The following TNS3 variants were observed in gnomAD, a reference collection of about 807,000 sequenced individuals.
The protein encoded by TNS3 is tensin 3.
A neutral mutation model predicts 140.9 loss-of-function variants in TNS3; 45 were observed. That is an observed-to-expected ratio of 0.32 (90% CI 0.25 to 0.41). The LOEUF is 0.41. TNS3 is among the 10% of genes least tolerant of loss of function. The pLI, the probability that TNS3 is intolerant of heterozygous loss-of-function variation, is 1.00. For missense variants in TNS3, 1,716 were observed against 1,906.7 expected, an observed-to-expected ratio of 0.90 and a Z score of 1.86; for synonymous variants, 815 against 788.4, an observed-to-expected ratio of 1.03 and a Z score of -0.56.
chr7:47,359,095 T>C (rs1439064664), intron 17 of TNS3, among the ~76,000 whole-genome samples: 1 of 152,144 alleles, frequency 6.6e-6, no homozygotes, highest in Non-Finnish European at 1.5e-5. Flanking sequence ...GGCACACCCA[T>C]GATCACAGCA....
rs963281428 is a variant in TNS3 at position 47,277,956 on chromosome 7, C to T, written c.*120G>A. On this transcript the variant is annotated 3_prime_UTR_variant, in exon 31 of 31. Transcript: ENST00000311160. ...GCAGAGCTGGAAGATCCTCTTTCCC[C>T]TCATGGGCCTGGAATGTCAGGTTTA... The T allele has an allele frequency of 1.8e-6, 2 of 1,129,670 alleles. No individual in the cohort carries two copies. Among genetic ancestry groups the T allele is most frequent in the African/African-American group, 1.5e-5 (1 of 65,294 alleles). 70.0% of individuals were successfully genotyped at this position (1,129,670 alleles called of 1,614,324 possible). A position where few individuals can be genotyped will look rare whatever the true frequency, so the allele number is the denominator to read the frequency against.
At chr7:47,320,419 G>GT (rs1285468352) in intron 20 of TNS3, among the ~76,000 whole-genome samples, 6 of 152,260 alleles carry the variant, frequency 3.9e-5, no homozygotes, top group African/African-American at 1.4e-4. Context: ...CGAGTTGGGA[G>GT]TATTAGTCAG....
intron 2 of TNS3, among the ~76,000 whole-genome samples, chr7:47,519,948 C>T (rs1000203508): frequency 6.6e-6 from 1 of 151,340 alleles, no homozygotes; most frequent in African/African-American, 2.4e-5. Context: ...CTCAGTCTCC[C>T]GAGTAGCTGG....
At chr7:47,490,465 C>T (rs1797769415) in intron 3 of TNS3, among the ~76,000 whole-genome samples, 1 of 152,258 alleles carries the variant, frequency 6.6e-6, no homozygotes, top group Non-Finnish European at 1.5e-5. Context: ...ATTCCCCCAT[C>T]AAGAGGTAGA....
At position 47,368,476 on chromosome 7, in the gene TNS3, C is replaced by G; in HGVS notation, c.2170G>C (p.Gly724Arg). The G allele has an allele frequency of 6.3e-7, 1 of 1,592,032 alleles. No individual in the cohort carries two copies. The change falls in exon 17 of 31, where the codon GGT becomes CGT. Residue 724 changes from glycine to arginine, a missense_variant. Physicochemically the swap from Gly to Arg is moderately radical, Grantham distance 125. This residue lies in a region of TNS3 where 1,163 missense variants were observed against 1,182.1 expected (regional missense o/e 0.98). Coordinates refer to ENST00000311160, the MANE Select transcript of TNS3 (RefSeq NM_022748.12). ...EPIPTHMNAL[G>R]SQANGSVSPD... ...GACACAGAGCCATTGGCCTGGCTAC[C>G]GAGGGCGTTCATGTGGGTAGGGATG...
chr7:47,557,756 T>C (rs1397290198), intron 1 of TNS3, among the ~76,000 whole-genome samples: 1 of 152,196 alleles, frequency 6.6e-6, no homozygotes, highest in African/African-American at 2.4e-5. Flanking sequence ...CACTAGCATG[T>C]AGTGGGAGGA....
chr7:47,498,267 T>C (rs1798085948), intron 3 of TNS3, among the ~76,000 whole-genome samples: 1 of 152,224 alleles, frequency 6.6e-6, no homozygotes. Context: ...TACCCTCCCA[T>C]GTAACCACAG....
intron 8 of TNS3, among the ~76,000 whole-genome samples, chr7:47,434,886 C>A (rs1795100648): frequency 6.6e-6 from 1 of 152,220 alleles, no homozygotes; most frequent in East Asian, 1.9e-4. Context: ...CAACTGATTA[C>A]CATAACTCAA....
chr7:47,507,931 G>A (rs1314900716), intron 2 of TNS3, among the ~76,000 whole-genome samples: 1 of 152,180 alleles, frequency 6.6e-6, no homozygotes, highest in Non-Finnish European at 1.5e-5. Flanking sequence ...CCCTCAAGCT[G>A]GGTCTCTGCT....
intron 16 of TNS3, among the ~76,000 whole-genome samples, chr7:47,388,228 G>A (rs1792184133): frequency 1.3e-5 from 2 of 152,066 alleles, no homozygotes; most frequent in African/African-American, 4.8e-5. Context: ...CATTACACCA[G>A]GGTCTACACA....
At position 47,400,904 on chromosome 7, in the gene TNS3, T is replaced by G; in HGVS notation, c.734A>C (p.Tyr245Ser). 1 of 1,614,164 alleles carries G rather than the reference T, an allele frequency of 6.2e-7. No individual in the cohort carries two copies. The highest frequency in any genetic ancestry group is 8.5e-7 in the Non-Finnish European group (1 of 1,179,994). ...LLKGDVMVKC[Y>S]HKKYRSATRD... ...GGTGGCCGAGCGGTATTTCTTGTGGTAGCATTTCACCTGGGTTAGAGAGAC... is the reference window on the plus strand; with the variant it reads ...GGTGGCCGAGCGGTATTTCTTGTGGGAGCATTTCACCTGGGTTAGAGAGAC... Residue 245 changes from tyrosine (Y) to serine (S), a missense_variant, in exon 14 of 31, where the codon TAC becomes TCC. Tyr to Ser is a moderately radical substitution (Grantham distance 144). Around this residue, in one of 3 missense-constraint regions of TNS3, gnomAD observed 337 missense variants for 428.9 expected, o/e 0.79. Transcript: ENST00000311160.
chr7:47,483,385 A>G (rs2964956), intron 3 of TNS3, among the ~76,000 whole-genome samples: 115,783 of 151,992 alleles, frequency 0.76, 44,825 homozygotes, highest in East Asian at 0.92. Context: ...GAGCCAGGAT[A>G]GTCTCGATCT....
intron 1 of TNS3, among the ~76,000 whole-genome samples, chr7:47,566,820 A>G (rs1800437505): frequency 6.6e-6 from 1 of 152,032 alleles, no homozygotes; most frequent in African/African-American, 2.4e-5. Context: ...CAGGTGGATC[A>G]CCTGAGTGCA....
At chr7:47,475,407 G>A (rs978873051) in intron 4 of TNS3, among the ~76,000 whole-genome samples, 2 of 152,250 alleles carry the variant, frequency 1.3e-5, no homozygotes, top group Non-Finnish European at 2.9e-5. Flanking sequence ...GTGCGGGCTC[G>A]GGACCTGCCC....
intron 18 of TNS3, among the ~76,000 whole-genome samples, chr7:47,345,616 C>T (rs1789289898): frequency 6.6e-6 from 1 of 152,172 alleles, no homozygotes; most frequent in Non-Finnish European, 1.5e-5. Flanking sequence ...GATACACCGA[C>T]CTGCTTTACA....
rs115581735 is a variant in TNS3 at position 47,459,311 on chromosome 7, T to C, written c.-75-17256A>G. Among the ~76,000 whole-genome samples the C allele has an allele frequency of 4.3e-3, 651 of 152,314 alleles. 4 individuals carry two copies. The highest frequency in any genetic ancestry group is 0.015 in the African/African-American group (607 of 41,566). Reference sequence around the variant, plus strand: ...AAGTGCTGTGACTTCCAGGACCACATGCATCATCCCAGAGAAGAGGAAACA... The same window carrying C: ...AAGTGCTGTGACTTCCAGGACCACACGCATCATCCCAGAGAAGAGGAAACA... On this transcript the variant is annotated intron_variant, in intron 4 of 30. Coordinates refer to ENST00000311160, the MANE Select transcript of TNS3 (RefSeq NM_022748.12).
At chr7:47,553,875 G>A (rs921140964) in intron 1 of TNS3, among the ~76,000 whole-genome samples, 2 of 151,604 alleles carry the variant, frequency 1.3e-5, no homozygotes, top group African/African-American at 2.4e-5. Context: ...TGCAGCCTCC[G>A]GCTCACTGCA....
At chr7:47,323,353 G>A (rs1243248353) in intron 20 of TNS3, among the ~76,000 whole-genome samples, 2 of 152,188 alleles carry the variant, frequency 1.3e-5, no homozygotes, top group African/African-American at 2.4e-5. Context: ...TGTCAACTGT[G>A]AATTCTATAT....
At chr7:47,501,540 G>A (rs1023836041) in intron 3 of TNS3, among the ~76,000 whole-genome samples, 3 of 152,138 alleles carry the variant, frequency 2.0e-5, no homozygotes, top group Non-Finnish European at 2.9e-5. Flanking sequence ...GGAGGCTCTG[G>A]GGCCCTAGAC....
Sources: gnomAD v4.1 joint callset for allele counts (sites outside exome capture counted in the v4.1 genomes callset) on GRCh38, gnomAD v4.1.1 for gene constraint, gnomAD v4.1.1 regional missense constraint, MANE v1.5 for transcripts, NCBI Gene and HGNC (gene_info 2026-07-23, HGNC 2026-07-21) for gene names.